The following FAAH2 variants were observed in gnomAD, a reference collection of about 807,000 sequenced individuals.
The protein encoded by FAAH2 is fatty acid amide hydrolase 2.
Under a neutral mutation model 36.9 loss-of-function variants are expected in FAAH2, and 60 were observed. That is an observed-to-expected ratio of 1.63 (90% CI 1.32 to 2.02). The LOEUF is 2.02. Ranked by LOEUF, FAAH2 falls within the 30% of genes most tolerant of loss-of-function variation. The pLI, the probability that FAAH2 is intolerant of heterozygous loss-of-function variation, is 0.00. For synonymous variants in FAAH2, 214 were observed against 143.8 expected (o/e 1.49, Z -3.49); for missense variants, 689 against 397.5 (o/e 1.73, Z -6.23).
Position 57,335,074 on chromosome X carries a change from C to T in FAAH2, c.622+3267C>T, listed in dbSNP as rs184668314. 5.4e-5 allele frequency among the ~76,000 whole-genome samples: 6 copies of T among 112,106 alleles called. No individual in the cohort carries two copies. In the Admixed American group the frequency reaches 5.7e-4, roughly 11 times the overall value. ...TCTTTTCATCATCACATAGCACTTA[C>T]TCTAAAATTTATCACATAATTTGAA... On this transcript the variant is annotated intron_variant, in intron 4 of 10. Coordinates refer to ENST00000374900, the MANE Select transcript of FAAH2 (RefSeq NM_174912.4).
intron 3 of FAAH2, among the ~76,000 whole-genome samples, chrX:57,319,500 C>G (rs977709365): frequency 9.9e-5 from 11 of 111,639 alleles, no homozygotes; most frequent in Non-Finnish European, 2.1e-4. Context: ...AACTACAAAC[C>G]ACTGCTCAAG....
intron 3 of FAAH2, among the ~76,000 whole-genome samples, chrX:57,325,062 T>C (rs958284686): frequency 8.9e-6 from 1 of 112,334 alleles, no homozygotes; most frequent in Non-Finnish European, 1.9e-5. Flanking sequence ...TTGTTGAATT[T>C]TGTCAAAGGC....
At chrX:57,286,025 C>A (rs1180838984), upstream of FAAH2, among the ~76,000 whole-genome samples, 3 of 111,328 alleles carry the variant, frequency 2.7e-5, no homozygotes, top group Admixed American at 2.9e-4. Flanking sequence ...TTTGGCATGG[C>A]TGACTGGGTG....
chrX:57,206,608 T>C, the FAAH2 span, among the ~76,000 whole-genome samples: 1 of 112,686 alleles, frequency 8.9e-6, no homozygotes, highest in Non-Finnish European at 1.9e-5. Flanking sequence ...GGCAACACTT[T>C]CCAGTGAAAA....
intron 1 of FAAH2, among the ~76,000 whole-genome samples, chrX:57,292,053 C>T (rs1399290841): frequency 9.0e-6 from 1 of 110,964 alleles, no homozygotes; most frequent in Non-Finnish European, 1.9e-5. Flanking sequence ...TATCTGGAAA[C>T]CCTAACTTTA....
chrX:57,223,668 G>T, the FAAH2 span, among the ~76,000 whole-genome samples: 2 of 111,685 alleles, frequency 1.8e-5, no homozygotes, highest in South Asian at 3.8e-4. Flanking sequence ...TCACATGCTG[G>T]CCAATAAACG....
chrX:57,236,775 T>C, the FAAH2 span, among the ~76,000 whole-genome samples: 1 of 111,672 alleles, frequency 9.0e-6, no homozygotes, highest in African/African-American at 3.2e-5. Flanking sequence ...AGATGGATGG[T>C]TTGCAAATAT....
At chrX:57,157,086 CTTTAT>C in the FAAH2 span, among the ~76,000 whole-genome samples, 1 of 111,876 alleles carries the variant, frequency 8.9e-6, no homozygotes, top group Non-Finnish European at 1.9e-5. Flanking sequence ...TGATCTGGTG[CTTTAT>C]TTTACTGTGG....
At chrX:57,186,352 G>A in the FAAH2 span, among the ~76,000 whole-genome samples, 3 of 111,843 alleles carry the variant, frequency 2.7e-5, no homozygotes, top group Non-Finnish European at 5.6e-5. Context: ...ATGTTTCTTG[G>A]CCACATAAAT....
chrX:57,474,472 T>A (rs1348819185), intron 10 of FAAH2, among the ~76,000 whole-genome samples: 1 of 111,394 alleles, frequency 9.0e-6, no homozygotes, highest in African/African-American at 3.3e-5. Context: ...GGTTTTATGT[T>A]CCTGTGTTAG....
chrX:57,448,798 T>G, intron 10 of FAAH2, 80 bp downstream of exon 10: 2 of 1,006,364 alleles, frequency 2.0e-6, no homozygotes, highest in Non-Finnish European at 2.7e-6. Context: ...AATTTTCTTT[T>G]GCAGTTGGAC....
At chrX:57,329,662 A>C (rs2053340000) in intron 3 of FAAH2, among the ~76,000 whole-genome samples, 1 of 109,171 alleles carries the variant, frequency 9.2e-6, no homozygotes, top group African/African-American at 3.3e-5. Flanking sequence ...AGTACCAATA[A>C]AGCAATGTTG....
intron 5 of FAAH2, among the ~76,000 whole-genome samples, chrX:57,346,043 C>A (rs762687631): frequency 5.1e-4 from 57 of 111,263 alleles, no homozygotes; most frequent in Non-Finnish European, 9.5e-4. Context: ...TATGACCAAA[C>A]TTGTGGTCAA....
At position 57,447,040 on chromosome X, in the gene FAAH2, G is replaced by C. The variant is rs762059968; in HGVS notation, c.1228+1G>C. ...TCAGTGTACACCATCCCTTCCATTG[G>C]TATGTAAATCATATTCTACCTAGAC... is the stretch of plus-strand genomic sequence containing the variant. On this transcript the variant is annotated splice_donor_variant, in intron 9 of 10. Transcript: ENST00000374900. LOFTEE classifies it high-confidence loss of function. 1.0e-5 allele frequency: 12 copies of C among 1,159,592 alleles called. No individual in the cohort carries two copies. Among genetic ancestry groups the C allele is most frequent in the African/African-American group, 3.6e-5 (2 of 55,855 alleles).
At position 57,440,530 on chromosome X, in the gene FAAH2, A is replaced by G. The variant is rs752727726; in HGVS notation, c.1117-6398A>G. The stretch of plus-strand genomic sequence containing the variant: ...ATAGGATGGAGTTTTCTATATATAC[A>G]GTCATGTCATCTGCAAACAGGGACA... On this transcript the variant is annotated intron_variant, in intron 8 of 10. Coordinates refer to ENST00000374900, the MANE Select transcript of FAAH2 (RefSeq NM_174912.4). 5.4e-5 allele frequency among the ~76,000 whole-genome samples: 6 copies of G among 111,658 alleles called. No individual in the cohort carries two copies. In the South Asian group the frequency reaches 2.2e-3, roughly 42 times the overall value.
the FAAH2 span, among the ~76,000 whole-genome samples, chrX:57,161,630 C>A: frequency 9.0e-6 from 1 of 111,469 alleles, no homozygotes; most frequent in Non-Finnish European, 1.9e-5. Context: ...TTCTTTGTCT[C>A]CTTTGATCTT....
intron 4 of FAAH2, among the ~76,000 whole-genome samples, chrX:57,332,186 G>A (rs1448931506): frequency 8.9e-6 from 1 of 112,478 alleles, no homozygotes; most frequent in East Asian, 2.8e-4. Context: ...AAACTTGTGG[G>A]TGCTAAAGCT....
At chrX:57,278,141 C>A in the FAAH2 span, among the ~76,000 whole-genome samples, 1 of 111,615 alleles carries the variant, frequency 9.0e-6, no homozygotes, top group African/African-American at 3.3e-5. Context: ...AAGAGCAAAG[C>A]TGGAGGCATC....
At chrX:57,321,500 A>C (rs1022162969) in intron 3 of FAAH2, among the ~76,000 whole-genome samples, 1 of 110,199 alleles carries the variant, frequency 9.1e-6, no homozygotes, top group Non-Finnish European at 1.9e-5. Context: ...TATTTAAAAA[A>C]ATAGTTTTCC....
Sources: gnomAD v4.1 joint callset for allele counts (sites outside exome capture counted in the v4.1 genomes callset) on GRCh38, gnomAD v4.1.1 for gene constraint, MANE v1.5 for transcripts, NCBI Gene and HGNC (gene_info 2026-07-23, HGNC 2026-07-21) for gene names.